Variants in TMEM144 observed in about 807,000 individuals in gnomAD.
The protein encoded by TMEM144 is transmembrane protein 144.
Under a neutral mutation model 43.6 loss-of-function variants are expected in TMEM144, and 39 were observed. That is an observed-to-expected ratio of 0.90 (90% confidence interval 0.69 to 1.17). The LOEUF (loss-of-function observed/expected upper bound fraction) is 1.17, where lower values mean the gene tolerates loss of function less well. TMEM144 is among the 50% of genes most tolerant of loss of function. The pLI, the probability that TMEM144 is intolerant of heterozygous loss-of-function variation, is 0.00. For missense variants in TMEM144, 417 were observed against 411.9 expected (o/e 1.01, Z -0.11); for synonymous variants, 154 against 133.6 (o/e 1.15, Z -1.06).
At position 158,215,174 on chromosome 4, in the gene TMEM144, A is replaced by G; in HGVS notation, c.110-17A>G. 6.2e-7 allele frequency: 1 copy of G among 1,613,294 alleles called. No homozygotes were observed. Among genetic ancestry groups the G allele is most frequent in the Non-Finnish European group, 8.5e-7 (1 of 1,179,464 alleles). On this transcript the variant is annotated splice_polypyrimidine_tract_variant and intron_variant, in intron 3 of 12. Coordinates refer to ENST00000296529, the MANE Select transcript of TMEM144 (RefSeq NM_018342.5). The stretch of plus-strand genomic sequence containing the variant: ...AATTCAATTTGAACCACTAACACTG[A>G]GTTTGTTTATTTCTAGGAATGTTTC...
At chr4:158,230,058 C>CGG (rs999657306) in intron 6 of TMEM144, among the ~76,000 whole-genome samples, 1 of 152,234 alleles carries the variant, frequency 6.6e-6, no homozygotes, top group African/African-American at 2.4e-5. Flanking sequence ...CAGATTCCAG[C>CGG]GGAGAGGCTG....
intron 4 of TMEM144, 150 bp downstream of exon 4, chr4:158,215,463 C>A: frequency 2.0e-6 from 2 of 977,906 alleles, no homozygotes; most frequent in Non-Finnish European, 2.8e-6. Flanking sequence ...CCTTCACATG[C>A]TCAATGAATA....
At chr4:158,236,374 A>AT (rs562177748) in intron 8 of TMEM144, among the ~76,000 whole-genome samples, 10 of 151,608 alleles carry the variant, frequency 6.6e-5, no homozygotes, top group Admixed American at 2.6e-4. Context: ...ATTTTTTCAA[A>AT]TTTTTTTTTC....
rs1286783814 is a variant in TMEM144 at position 158,255,330 on chromosome 4, CTT to C, written c.*1806_*1807del. 4 of 151,330 alleles carry C rather than the reference CTT, an allele frequency of 2.6e-5. No individual in the cohort carries two copies. The highest frequency in any genetic ancestry group is 5.9e-5 in the Non-Finnish European group (4 of 67,812). 9.4% of individuals were successfully genotyped at this position (151,330 alleles called of 1,614,324 possible). Reference sequence around the variant, plus strand: ...TATTTTAGAATTTTATATTGGATAACTTTTAATTATTCTTTAGTTGGGATTTC... The same window carrying C: ...TATTTTAGAATTTTATATTGGATAACTTAATTATTCTTTAGTTGGGATTTC... On this transcript the variant is annotated 3_prime_UTR_variant, in exon 13 of 13. Coordinates refer to ENST00000296529, the MANE Select transcript of TMEM144 (RefSeq NM_018342.5).
chr4:158,233,096 T>C (rs904884441), intron 7 of TMEM144, 114 bp downstream of exon 7: 4 of 730,250 alleles, frequency 5.5e-6, no homozygotes, highest in South Asian at 2.1e-5. Context: ...CTCCTGGCTA[T>C]GTAAAATATC....
chr4:158,244,465 T>TG, intron 12 of TMEM144, 116 bp downstream of exon 12: 1 of 735,564 alleles, frequency 1.4e-6, no homozygotes, highest in South Asian at 1.7e-5. Flanking sequence ...AGGTTAGGAG[T>TG]TCAAGACCAG....
rs186513692 is a variant in TMEM144, at chr4:158,212,885, C to T, written c.109+109C>T. ...AAAATAAATCATGTTGATCTTGATA[C>T]CTAGTGAATAGAGCTTAAAATTAGT... On this transcript the variant is annotated intron_variant, in intron 3 of 12. Transcript: ENST00000296529. The T allele has an allele frequency of 8.7e-4, 762 of 878,308 alleles. 5 individuals carry two copies. The East Asian group carries it at 8.7e-3, about 10-fold the overall frequency. The allele number at this position is 878,308 out of a possible 1,614,324, so 54.4% of individuals were successfully genotyped here. A position where few individuals can be genotyped will look rare whatever the true frequency, so the allele number is the denominator to read the frequency against.
chr4:158,212,965 A>G (rs557971759), intron 3 of TMEM144, 189 bp downstream of exon 3: 1 of 614,338 alleles, frequency 1.6e-6, no homozygotes, highest in Non-Finnish European at 2.9e-6. Flanking sequence ...AGAACCATTA[A>G]GGTTGTTTCA....
At chr4:158,227,911 A>G (rs1369071759) in intron 6 of TMEM144, among the ~76,000 whole-genome samples, 1 of 152,126 alleles carries the variant, frequency 6.6e-6, no homozygotes, top group Non-Finnish European at 1.5e-5. Flanking sequence ...AAATTTTTCA[A>G]TGTATTTCCT....
chr4:158,212,644 A>G lies in TMEM144; in HGVS notation c.-24A>G. On this transcript the variant is annotated 5_prime_UTR_variant, in exon 3 of 13. Coordinates refer to ENST00000296529, the MANE Select transcript of TMEM144 (RefSeq NM_018342.5). Reference sequence around the variant, plus strand: ...AAGTACATCAAGTCTAAAGTGAACCAGCTAACTCATTAAGACTGGAATCAT... The same window carrying G: ...AAGTACATCAAGTCTAAAGTGAACCGGCTAACTCATTAAGACTGGAATCAT... 1.9e-6 allele frequency: 3 copies of G among 1,551,882 alleles called. No homozygotes were observed. Among genetic ancestry groups the G allele is most frequent in the Non-Finnish European group, 2.6e-6 (3 of 1,135,350 alleles).
chr4:158,231,424 C>T (rs76852354), intron 6 of TMEM144, among the ~76,000 whole-genome samples: 3,561 of 152,104 alleles, frequency 0.023, 145 homozygotes, highest in African/African-American at 0.079. Context: ...GCCGAAGTGC[C>T]GTAATTTGGG....
intron 10 of TMEM144, 40 bp from the exon 11 acceptor site, chr4:158,241,469 G>A: frequency 1.3e-6 from 2 of 1,502,844 alleles, no homozygotes; most frequent in Non-Finnish European, 1.9e-6. Flanking sequence ...CTTCAGGAGG[G>A]GAACATGGTC....
chr4:158,230,682 T>C (rs1012844935), intron 6 of TMEM144, among the ~76,000 whole-genome samples: 9 of 151,734 alleles, frequency 5.9e-5, no homozygotes, highest in Non-Finnish European at 1.0e-4. Context: ...TATATGTAAC[T>C]CATATATATT....
At chr4:158,250,540 G>A (rs922914113) in intron 12 of TMEM144, among the ~76,000 whole-genome samples, 8 of 152,160 alleles carry the variant, frequency 5.3e-5, no homozygotes, top group African/African-American at 1.9e-4. Context: ...GTTTCCTGTG[G>A]GAGCCCAGTT....
intron 12 of TMEM144, among the ~76,000 whole-genome samples, chr4:158,247,108 C>T (rs73860322): frequency 0.029 from 4,372 of 151,808 alleles, 146 homozygotes; most frequent in African/African-American, 0.086. Flanking sequence ...ATGCAAGGAT[C>T]GTTCATAATA....
chr4:158,237,667 T>A (rs201725930), intron 9 of TMEM144, 24 bp downstream of exon 9: 852 of 1,416,026 alleles, frequency 6.0e-4, no homozygotes, highest in Non-Finnish European at 7.9e-4. Context: ...GTTATCTTAC[T>A]TTATTAATAT....
chr4:158,237,711 AT>A, intron 9 of TMEM144, 68 bp downstream of exon 9: 1 of 1,099,976 alleles, frequency 9.1e-7, no homozygotes, highest in Admixed American at 2.2e-5. Flanking sequence ...AATTGTGATA[AT>A]AGTAAATATT....
intron 8 of TMEM144, 57 bp from the exon 9 acceptor site, chr4:158,237,468 G>A (rs202181494): frequency 1.5e-5 from 20 of 1,329,058 alleles, no homozygotes; most frequent in African/African-American, 2.9e-5. Flanking sequence ...CCATTTGTGC[G>A]TTTGTCAGAA....
At chr4:158,251,652 A>G (rs1467045889) in intron 12 of TMEM144, among the ~76,000 whole-genome samples, 1 of 152,198 alleles carries the variant, frequency 6.6e-6, no homozygotes, top group African/African-American at 2.4e-5. Context: ...TCATTAACAT[A>G]CAAATCACAC....
Sources: allele counts gnomAD v4.1 joint callset (sites outside exome capture counted in the v4.1 genomes callset), GRCh38; gene constraint gnomAD v4.1.1; transcripts MANE v1.5; gene names NCBI Gene and HGNC (gene_info 2026-07-23, HGNC 2026-07-21).